The following SKAP2 variants were observed in gnomAD, a reference collection of about 807,000 sequenced individuals.
The protein encoded by SKAP2 is src kinase-associated phosphoprotein 2.
A neutral mutation model predicts 54.9 loss-of-function variants in SKAP2; 28 were observed. The ratio of observed to expected loss-of-function variants is 0.51; its 90% CI spans 0.38 to 0.70. The LOEUF (loss-of-function observed/expected upper bound fraction) is 0.70, where lower values mean the gene tolerates loss of function less well. Among genes scored for constraint, SKAP2 ranks in the 30% least tolerant of loss-of-function variants. SKAP2 has a pLI of 0.00. For synonymous variants in SKAP2, 137 were observed against 134.3 expected, an observed-to-expected ratio of 1.02 and a Z score of -0.14; for missense variants, 356 against 424.1, an observed-to-expected ratio of 0.84 and a Z score of 1.41.
At chr7:26,726,673 T>G in intron 7 of SKAP2, 1 of 399,510 alleles carries the variant, frequency 2.5e-6, no homozygotes. Flanking sequence ...ATATTCTCTT[T>G]ATCTTTTTCA....
At chr7:26,739,792 CCTAAA>C (rs1782390468) in intron 5 of SKAP2, 90 bp downstream of exon 5, 2 of 840,066 alleles carry the variant, frequency 2.4e-6, no homozygotes, top group Non-Finnish European at 3.7e-6. Flanking sequence ...TCTTTAATCA[CCTAAA>C]ACGAATACTG....
At chr7:26,656,461 GATA>G in the SKAP2 span, among the ~76,000 whole-genome samples, 9 of 152,178 alleles carry the variant, frequency 5.9e-5, no homozygotes, top group African/African-American at 2.4e-5. Flanking sequence ...CAAACAAGTT[GATA>G]ATAACTTGGT....
chr7:26,797,582 C>T (rs1356657679), intron 4 of SKAP2, among the ~76,000 whole-genome samples: 1 of 151,952 alleles, frequency 6.6e-6, no homozygotes, highest in Non-Finnish European at 1.5e-5. Context: ...TATAAATAAG[C>T]CCAAACAGTG....
chr7:26,852,624 AG>A (rs1249738515), intron 3 of SKAP2, among the ~76,000 whole-genome samples: 1 of 152,210 alleles, frequency 6.6e-6, no homozygotes, highest in East Asian at 1.9e-4. Flanking sequence ...CATTCTCTTT[AG>A]AGACAAAGAA....
At chr7:26,684,342 G>T (rs950139302) in intron 11 of SKAP2, among the ~76,000 whole-genome samples, 3 of 152,116 alleles carry the variant, frequency 2.0e-5, no homozygotes, top group Non-Finnish European at 4.4e-5. Context: ...TATAAACATA[G>T]TGTTTCCAGT....
intron 4 of SKAP2, among the ~76,000 whole-genome samples, chr7:26,786,606 C>G (rs974944842): frequency 6.6e-6 from 1 of 152,118 alleles, no homozygotes; most frequent in African/African-American, 2.4e-5. Context: ...AAGGCAGTGG[C>G]GAGCCTGGCA....
At chr7:26,757,924 G>A (rs940744090) in intron 4 of SKAP2, among the ~76,000 whole-genome samples, 2 of 152,106 alleles carry the variant, frequency 1.3e-5, no homozygotes, top group South Asian at 2.1e-4. Context: ...ACCACGCCTG[G>A]CTAATTTTTT....
At chr7:26,789,349 G>C (rs896831677) in intron 4 of SKAP2, among the ~76,000 whole-genome samples, 2 of 152,130 alleles carry the variant, frequency 1.3e-5, no homozygotes, top group African/African-American at 4.8e-5. Flanking sequence ...CTTAAAGGAA[G>C]TTGAGGCCCA....
intron 9 of SKAP2, among the ~76,000 whole-genome samples, chr7:26,711,069 G>C (rs1029351596): frequency 4.6e-5 from 7 of 152,118 alleles, no homozygotes; most frequent in African/African-American, 1.7e-4. Flanking sequence ...GACCACGAAG[G>C]TTCCACCTGA....
intron 3 of SKAP2, among the ~76,000 whole-genome samples, chr7:26,853,814 C>T (rs1222434921): frequency 1.3e-5 from 2 of 152,144 alleles, no homozygotes; most frequent in Non-Finnish European, 2.9e-5. Context: ...CTCTGCTTCA[C>T]CAAGTTATTC....
rs565523781 is a variant in SKAP2 at position 26,784,218 on chromosome 7, C to T, written c.308-44254G>A. Reference sequence around the variant, plus strand: ...TCCTTTTGTTAAGCTGGTATACAAACCTTTACCTCTGGCTGTTCAGGGAGT... The same window carrying T: ...TCCTTTTGTTAAGCTGGTATACAAATCTTTACCTCTGGCTGTTCAGGGAGT... On this transcript the variant is annotated intron_variant, in intron 4 of 12. Coordinates refer to ENST00000345317, the MANE Select transcript of SKAP2 (RefSeq NM_003930.5). Among the ~76,000 whole-genome samples the T allele has an allele frequency of 3.9e-5, 6 of 152,226 alleles. No homozygotes were observed. In the South Asian group the frequency reaches 8.3e-4, roughly 21 times the overall value.
At chr7:26,672,212 C>T (rs1314729921) in intron 11 of SKAP2, among the ~76,000 whole-genome samples, 2 of 151,986 alleles carry the variant, frequency 1.3e-5, no homozygotes, top group African/African-American at 4.8e-5. Context: ...AAAGTTATTA[C>T]TTTATAATAT....
chr7:26,796,203 T>G (rs929691774), intron 4 of SKAP2, among the ~76,000 whole-genome samples: 6 of 152,174 alleles, frequency 3.9e-5, no homozygotes, highest in Admixed American at 3.9e-4. Context: ...CAAATGATAA[T>G]GTAGTATTAA....
chr7:26,692,876 T>G (rs1786814240), intron 9 of SKAP2, among the ~76,000 whole-genome samples: 2 of 152,180 alleles, frequency 1.3e-5, no homozygotes, highest in South Asian at 4.1e-4. Flanking sequence ...GGAGAAAGCT[T>G]TCCTTACTTT....
intron 4 of SKAP2, among the ~76,000 whole-genome samples, chr7:26,800,406 A>T (rs1783888164): frequency 6.6e-6 from 1 of 152,188 alleles, no homozygotes; most frequent in South Asian, 2.1e-4. Context: ...ATAAGTGCCT[A>T]TATTGAAAAA....
intron 4 of SKAP2, 68 bp downstream of exon 4, chr7:26,843,962 A>T: frequency 1.0e-6 from 1 of 978,526 alleles, no homozygotes; most frequent in South Asian, 1.5e-5. Context: ...TTTCTCATAA[A>T]ACTACCACCC....
At chr7:26,662,465 A>G (rs945570150), downstream of SKAP2, among the ~76,000 whole-genome samples, 1 of 152,074 alleles carries the variant, frequency 6.6e-6, no homozygotes, top group Non-Finnish European at 1.5e-5. Flanking sequence ...AACTGTACCA[A>G]GGTAAGGTTA....
chr7:26,728,427 T>C (rs538992232), intron 6 of SKAP2, among the ~76,000 whole-genome samples: 1 of 152,248 alleles, frequency 6.6e-6, no homozygotes, highest in African/African-American at 2.4e-5. Context: ...AAATTATTTG[T>C]CCGCGGAATC....
chr7:26,858,468 T>C (rs1254741725), intron 1 of SKAP2, among the ~76,000 whole-genome samples: 1 of 152,084 alleles, frequency 6.6e-6, no homozygotes, highest in Non-Finnish European at 1.5e-5. Context: ...AATGTTAAGG[T>C]CTGAAAACAA....
Sources: allele counts gnomAD v4.1 joint callset (sites outside exome capture counted in the v4.1 genomes callset), GRCh38; gene constraint gnomAD v4.1.1; transcripts MANE v1.5; gene names NCBI Gene and HGNC (gene_info 2026-07-23, HGNC 2026-07-21).